The following RSBN1L variants were observed in gnomAD, a reference collection of about 807,000 sequenced individuals.
RSBN1L encodes lysine-specific demethylase RSBN1L.
Under a neutral mutation model 67.7 loss-of-function variants are expected in RSBN1L, and 30 were observed. That is an observed-to-expected ratio of 0.44 (90% confidence interval 0.33 to 0.60). The LOEUF (loss-of-function observed/expected upper bound fraction) is 0.60, where lower values mean the gene tolerates loss of function less well. Ranked by LOEUF, RSBN1L falls within the 20% of genes least tolerant of loss-of-function variation. The pLI is 0.02. For synonymous variants in RSBN1L, 433 were observed against 387.0 expected, an observed-to-expected ratio of 1.12 and a Z score of -1.39; for missense variants, 992 against 1,031.7, an observed-to-expected ratio of 0.96 and a Z score of 0.53.
At chr7:77,772,246 T>A (rs1352488794) in intron 5 of RSBN1L, among the ~76,000 whole-genome samples, 1 of 152,014 alleles carries the variant, frequency 6.6e-6, no homozygotes. Context: ...TAATAGAGAT[T>A]AAGGGTGGGA....
chr7:77,774,167 A>G (rs2150434480), intron 6 of RSBN1L, among the ~76,000 whole-genome samples: 1 of 152,244 alleles, frequency 6.6e-6, no homozygotes, highest in Non-Finnish European at 1.5e-5. Flanking sequence ...TTTGCTTACA[A>G]GTTTCACTTT....
chr7:77,696,499 T>A lies in RSBN1L; in HGVS notation c.30T>A (p.Cys10Ter). Residue 10 changes from cysteine to a stop codon, truncating the protein, a stop_gained, in exon 1 of 8, where the codon TGT (cysteine) becomes TGA (stop). Coordinates refer to ENST00000334955, the MANE Select transcript of RSBN1L (RefSeq NM_198467.3). LOFTEE classifies it high-confidence loss of function. Reference protein sequence around the residue: MAEPPSPVHCVAAAAPTATV... With the variant: MAEPPSPVH Reference sequence around the variant, plus strand: ...CGGAACCGCCGAGCCCCGTGCACTGTGTCGCTGCCGCGGCCCCCACCGCCA... The same window carrying A: ...CGGAACCGCCGAGCCCCGTGCACTGAGTCGCTGCCGCGGCCCCCACCGCCA... 6.2e-7 allele frequency: 1 copy of A among 1,613,330 alleles called. No homozygotes were observed. The highest frequency in any genetic ancestry group is 8.5e-7 in the Non-Finnish European group (1 of 1,179,700).
At chr7:77,697,151 C>T (rs1002871301) in intron 1 of RSBN1L, 96 bp downstream of exon 1, 22 of 1,258,310 alleles carry the variant, frequency 1.7e-5, no homozygotes, top group Admixed American at 4.2e-5. Context: ...GCGGCGGCCG[C>T]GTGCGCCGGC....
chr7:77,749,235 CAG>C (rs1293930255), intron 2 of RSBN1L, among the ~76,000 whole-genome samples, 187 bp from the exon 3 acceptor site: 1 of 152,064 alleles, frequency 6.6e-6, no homozygotes, highest in Admixed American at 6.6e-5. Context: ...GCCTGGGCGA[CAG>C]AGCAAGACTC....
At chr7:77,745,702 T>C (rs1490301274) in intron 2 of RSBN1L, among the ~76,000 whole-genome samples, 1 of 152,244 alleles carries the variant, frequency 6.6e-6, no homozygotes, top group Non-Finnish European at 1.5e-5. Flanking sequence ...GGTTTCGGGA[T>C]GATTCAAGGA....
chr7:77,729,591 C>T (rs1351955829), intron 1 of RSBN1L, among the ~76,000 whole-genome samples: 1 of 152,148 alleles, frequency 6.6e-6, no homozygotes, highest in Non-Finnish European at 1.5e-5. Flanking sequence ...TACACTGAAG[C>T]ATATGTGGCT....
At position 77,756,774 on chromosome 7, in the gene RSBN1L, G is replaced by A. The variant is rs138769327; in HGVS notation, c.1344+6710G>A. Among the ~76,000 whole-genome samples, 22 of 152,206 alleles carry A rather than the reference G, an allele frequency of 1.4e-4. No individual in the cohort carries two copies. In the East Asian group the frequency reaches 4.1e-3, roughly 28 times the overall value. On this transcript the variant is annotated intron_variant, in intron 3 of 7. Coordinates refer to ENST00000334955, the MANE Select transcript of RSBN1L (RefSeq NM_198467.3). ...AGCCTGGACGACAGAGTGAGACTCCGTCTCAAAAGAAAAGGAAGAAATTCA... is the reference window on the plus strand; with the variant it reads ...AGCCTGGACGACAGAGTGAGACTCCATCTCAAAAGAAAAGGAAGAAATTCA...
At position 77,696,803 on chromosome 7, in the gene RSBN1L, G is replaced by A. The variant is rs1434828679; in HGVS notation, c.334G>A (p.Val112Ile). 6.2e-7 allele frequency: 1 copy of A among 1,613,700 alleles called. No homozygotes were observed. Among genetic ancestry groups the A allele is most frequent in the Middle Eastern group, 1.7e-4 (1 of 6,056 alleles). The change falls in exon 1 of 8, where the codon GTT becomes ATT. Residue 112 changes from valine (V) to isoleucine (I), a missense_variant. By Grantham distance (29) the Val-to-Ile change is conservative (BLOSUM62 3). Transcript: ENST00000334955. ...TTTCTCTTTCTCCGCTGGCACGGCC[G>A]TTCCCTCCTCAGCCTCCGCTTCCTT... is the stretch of plus-strand genomic sequence containing the variant. ...SSFSFSAGTA[V>I]PSSASASLSQ...
intron 1 of RSBN1L, among the ~76,000 whole-genome samples, chr7:77,735,183 TTAAG>T (rs1487588919): frequency 1.3e-5 from 2 of 152,194 alleles, no homozygotes; most frequent in African/African-American, 4.8e-5. Context: ...GAAAATTTAT[TTAAG>T]TAGTCTAGAC....
chr7:77,777,177 A>T (rs1026890057), intron 6 of RSBN1L, among the ~76,000 whole-genome samples: 3 of 151,224 alleles, frequency 2.0e-5, no homozygotes, highest in Non-Finnish European at 4.4e-5. Context: ...CTCCCCCCTC[A>T]CATTTCTGGC....
At chr7:77,727,487 G>A (rs1471284643) in intron 1 of RSBN1L, among the ~76,000 whole-genome samples, 1 of 152,020 alleles carries the variant, frequency 6.6e-6, no homozygotes, top group Admixed American at 6.6e-5. Context: ...GATAAGAATT[G>A]TCACTTTTAT....
chr7:77,703,477 G>GTTTTT lies in RSBN1L; in HGVS notation c.586+6448_586+6452dup, dbSNP rs71529102. On this transcript the variant is annotated intron_variant, in intron 1 of 7. Coordinates refer to ENST00000334955, the MANE Select transcript of RSBN1L (RefSeq NM_198467.3). ...GTGTCTCTTTTTTCCTACTGTTTGG[G>GTTTTT]TTTTTTTTTTTTTTTTTTTTTTTTT... Among the ~76,000 whole-genome samples the GTTTTT allele has an allele frequency of 8.9e-3, 546 of 61,616 alleles. 64 individuals carry two copies. The highest frequency in any genetic ancestry group is 0.043 in the East Asian group (66 of 1,546). The allele number at this position is 61,616 out of a possible 152,430, so 40.4% of individuals were successfully genotyped here.
chr7:77,747,697 G>A (rs944845713), intron 2 of RSBN1L, among the ~76,000 whole-genome samples: 3 of 152,196 alleles, frequency 2.0e-5, no homozygotes, highest in Non-Finnish European at 1.5e-5. Context: ...GAGCTCTCAT[G>A]GAGAACCTCT....
intron 1 of RSBN1L, among the ~76,000 whole-genome samples, chr7:77,703,146 G>T (rs79705611): frequency 6.6e-6 from 1 of 152,248 alleles, no homozygotes; most frequent in East Asian, 1.9e-4. Context: ...TTTCATACCA[G>T]CATTTCACTT....
Position 77,768,688 on chromosome 7 carries a change from A to T in RSBN1L, c.1510A>T (p.Ser504Cys), listed in dbSNP as rs1686883532. The change falls in exon 5 of 8, where the codon AGT becomes TGT. Residue 504 changes from serine (S) to cysteine (C), a missense_variant. By Grantham distance (112) the Ser-to-Cys change is moderately radical. Coordinates refer to ENST00000334955, the MANE Select transcript of RSBN1L (RefSeq NM_198467.3). ...TACACTGCCATGGGGGACGCTATCT[A>T]GTCTAAAATTACAGAGTCGAAAAGA... Reference protein sequence around the residue: ...KCTLPWGTLSSLKLQSRKDSD... With the variant: ...KCTLPWGTLSCLKLQSRKDSD... 1 of 1,613,680 alleles carries T rather than the reference A, an allele frequency of 6.2e-7. No homozygotes were observed. Among genetic ancestry groups the T allele is most frequent in the Admixed American group, 1.7e-5 (1 of 60,010 alleles).
chr7:77,777,530 C>T (rs1296678214), intron 6 of RSBN1L, among the ~76,000 whole-genome samples: 1 of 151,738 alleles, frequency 6.6e-6, no homozygotes, highest in African/African-American at 2.4e-5. Context: ...ACTTTTTCTT[C>T]TAATACTTTA....
chr7:77,772,552 T>G (rs1791863249), intron 5 of RSBN1L, among the ~76,000 whole-genome samples: 2 of 152,264 alleles, frequency 1.3e-5, no homozygotes, highest in Non-Finnish European at 2.9e-5. Context: ...AAGACAGAGC[T>G]AAGGTTTTCC....
intron 1 of RSBN1L, among the ~76,000 whole-genome samples, chr7:77,735,055 A>G (rs1395730541): frequency 7.1e-6 from 1 of 140,986 alleles, no homozygotes; most frequent in Non-Finnish European, 1.5e-5. Context: ...TTATCACTTG[A>G]AAAAAAAAAA....
chr7:77,749,857 G>C lies in RSBN1L; in HGVS notation c.1137G>C (p.Arg379Ser), dbSNP rs1333731248. The change falls in exon 3 of 8, where the codon AGG becomes AGC. Residue 379 changes from arginine (R) to serine (S), a missense_variant. By Grantham distance (110) the Arg-to-Ser change is moderately radical. Coordinates refer to ENST00000334955, the MANE Select transcript of RSBN1L (RefSeq NM_198467.3). ...ACCTGTCTCCTATGGAGATGGAGAG[G>C]TTTGCAGAAGAGTTTGTGGGTCTAG... The part of the protein sequence containing the change: ...LSHLSPMEME[R>S]FAEEFVGLVF... 6.2e-7 allele frequency: 1 copy of C among 1,614,182 alleles called. No homozygotes were observed. Among genetic ancestry groups the C allele is most frequent in the South Asian group, 1.1e-5 (1 of 91,074 alleles).
Sources: gnomAD v4.1 joint callset for allele counts (sites outside exome capture counted in the v4.1 genomes callset) on GRCh38, gnomAD v4.1.1 for gene constraint, MANE v1.5 for transcripts, NCBI Gene and HGNC (gene_info 2026-07-23, HGNC 2026-07-21) for gene names.